Variants in EBF3 observed in about 807,000 individuals in gnomAD.
EBF3 encodes the protein EBF transcription factor 3, also known as transcription factor COE3.
EBF3 carries 18 observed loss-of-function variants against 77.1 expected under a neutral mutation model. The observed-to-expected ratio is 0.23, with a 90% confidence interval of 0.16 to 0.35. The LOEUF (loss-of-function observed/expected upper bound fraction) is 0.35, where lower values mean the gene tolerates loss of function less well. Ranked by LOEUF, EBF3 falls within the 10% of genes least tolerant of loss-of-function variation. The pLI is 1.00. For synonymous variants in EBF3, 350 were observed against 343.5 expected, an observed-to-expected ratio of 1.02 and a Z score of -0.21; for missense variants, 558 against 860.0, an observed-to-expected ratio of 0.65 and a Z score of 4.39.
chr10:129,869,980 G>A (rs1852297392), intron 8 of EBF3, among the ~76,000 whole-genome samples: 1 of 101,664 alleles, frequency 9.8e-6, no homozygotes, highest in Non-Finnish European at 2.1e-5. Flanking sequence ...GCCAATTATG[G>A]CAAATAATTC....
rs1041910037 is a variant in EBF3, at chr10:129,836,851, A to G, written c.*1092T>C. 1 of 152,672 alleles carries G rather than the reference A, an allele frequency of 6.5e-6. No homozygotes were observed. The highest frequency in any genetic ancestry group is 2.4e-5 in the African/African-American group (1 of 41,462). 9.5% of individuals were successfully genotyped at this position (152,672 alleles called of 1,614,324 possible). On this transcript the variant is annotated 3_prime_UTR_variant, in exon 17 of 17. Coordinates refer to ENST00000440978, the MANE Select transcript of EBF3 (RefSeq NM_001375380.1). Reference sequence around the variant, plus strand: ...ATATTTATAATTGATATGTTACAAAATAAAGTCCCTTAGCAACTGCAAGTG... The same window carrying G: ...ATATTTATAATTGATATGTTACAAAGTAAAGTCCCTTAGCAACTGCAAGTG...
At chr10:129,889,883 C>T (rs1853887958) in intron 6 of EBF3, among the ~76,000 whole-genome samples, 1 of 145,322 alleles carries the variant, frequency 6.9e-6, no homozygotes, top group African/African-American at 2.5e-5. Flanking sequence ...TACCCTGTAA[C>T]TCAGTGACTC....
At chr10:129,953,044 AAAGAAG>A (rs1185155936) in intron 6 of EBF3, among the ~76,000 whole-genome samples, 1 of 151,500 alleles carries the variant, frequency 6.6e-6, no homozygotes, top group Non-Finnish European at 1.5e-5. Context: ...AAAAAAAAAA[AAAGAAG>A]AAGAAGAAGA....
chr10:129,912,668 G>A (rs143536038), intron 6 of EBF3, among the ~76,000 whole-genome samples: 239 of 152,238 alleles, frequency 1.6e-3, no homozygotes, highest in African/African-American at 5.2e-3. Flanking sequence ...AGTGAACTCC[G>A]TTTATGAATT....
At chr10:129,838,016 C>T (rs1347221566) in intron 16 of EBF3, 56 bp from the exon 17 acceptor site, 6 of 1,609,106 alleles carry the variant, frequency 3.7e-6, no homozygotes, top group South Asian at 1.1e-5. Flanking sequence ...GCCCTCCCGC[C>T]AACGCTGACG....
chr10:129,940,913 G>A (rs970350481), intron 6 of EBF3, among the ~76,000 whole-genome samples: 10 of 152,186 alleles, frequency 6.6e-5, no homozygotes, highest in Non-Finnish European at 1.0e-4. Context: ...GGACTGCAGC[G>A]TAAAACCAGG....
At chr10:129,903,095 C>T (rs983698270) in intron 6 of EBF3, among the ~76,000 whole-genome samples, 2 of 152,238 alleles carry the variant, frequency 1.3e-5, no homozygotes, top group African/African-American at 4.8e-5. Context: ...CGATGAAAGT[C>T]ATACACACGT....
At chr10:129,925,136 G>GT (rs1856581668) in intron 6 of EBF3, among the ~76,000 whole-genome samples, 1 of 152,048 alleles carries the variant, frequency 6.6e-6, no homozygotes, top group Non-Finnish European at 1.5e-5. Context: ...AGTAATTGCA[G>GT]TTTTTGCCAT....
rs928764191 is a variant in EBF3 at position 129,848,314 on chromosome 10, G to C, written c.1128+78C>G. The C allele has an allele frequency of 9.1e-6, 13 of 1,422,290 alleles. No homozygotes were observed. The highest frequency in any genetic ancestry group is 1.7e-5 in the Admixed American group (1 of 59,670). The allele number at this position is 1,422,290 out of a possible 1,614,324, so 88.1% of individuals were successfully genotyped here. On this transcript the variant is annotated intron_variant, in intron 11 of 16. Transcript: ENST00000440978. This position sits in a 1 kb window ranked among gnomAD's most constrained non-coding sequence, Gnocchi z 4.4. The stretch of plus-strand genomic sequence containing the variant: ...GAATCTGCAATCCCCCCTTCCCAGA[G>C]CACCTGCTGCCCCCAAACCAGAACC...
At chr10:129,934,616 G>C (rs1387928848) in intron 6 of EBF3, among the ~76,000 whole-genome samples, 2 of 152,060 alleles carry the variant, frequency 1.3e-5, no homozygotes. Flanking sequence ...GTGGGGCTGG[G>C]AGTTTCTAAG....
chr10:129,959,432 G>A lies in EBF3; in HGVS notation c.412-425C>T, dbSNP rs539619635. Among the ~76,000 whole-genome samples, 27 of 152,222 alleles carry A rather than the reference G, an allele frequency of 1.8e-4. No individual in the cohort carries two copies. The South Asian group carries it at 5.4e-3, about 30-fold the overall frequency. On this transcript the variant is annotated intron_variant, in intron 4 of 16. Transcript: ENST00000440978. ...GCGTCCTCAGGCCATTGTCTACAAC[G>A]AGTTCCAATCTGCATGTTGGGAGAG...
chr10:129,924,174 G>A (rs1856490642), intron 6 of EBF3, among the ~76,000 whole-genome samples: 1 of 152,126 alleles, frequency 6.6e-6, no homozygotes. Flanking sequence ...CAGCACTTCG[G>A]GAGGCCAAGG....
intron 6 of EBF3, among the ~76,000 whole-genome samples, chr10:129,912,462 C>G (rs538855231): frequency 1.2e-4 from 19 of 152,150 alleles, no homozygotes; most frequent in African/African-American, 4.3e-4. Flanking sequence ...GATCTCTTGT[C>G]TACAAAGCAG....
At chr10:129,877,728 A>T in intron 7 of EBF3, 40 bp downstream of exon 7, 1 of 1,557,314 alleles carries the variant, frequency 6.4e-7, no homozygotes, top group Non-Finnish European at 8.8e-7. Context: ...TGGTATGAAA[A>T]GTCAGGACCA....
At chr10:129,882,548 A>C (rs570451609) in intron 6 of EBF3, among the ~76,000 whole-genome samples, 54 of 152,366 alleles carry the variant, frequency 3.5e-4, no homozygotes, top group Middle Eastern at 3.4e-3. Flanking sequence ...GGATGGCAAA[A>C]GGTGTTGAGC....
At chr10:129,924,439 A>AAAAAAAC (rs1247507504) in intron 6 of EBF3, among the ~76,000 whole-genome samples, 2 of 134,114 alleles carry the variant, frequency 1.5e-5, no homozygotes, top group South Asian at 4.9e-4. Flanking sequence ...ACAAAAAAAA[A>AAAAAAAC]AAAAAACAAA....
At chr10:129,902,043 T>C (rs924504419) in intron 6 of EBF3, among the ~76,000 whole-genome samples, 1 of 152,172 alleles carries the variant, frequency 6.6e-6, no homozygotes, top group Non-Finnish European at 1.5e-5. Context: ...GTGATGCTTT[T>C]AATACAAAAT....
intron 9 of EBF3, 94 bp from the exon 10 acceptor site, chr10:129,867,361 A>C: frequency 6.4e-7 from 1 of 1,555,956 alleles, no homozygotes; most frequent in South Asian, 1.2e-5. Flanking sequence ...ATGAGCACAA[A>C]TTGGACCATC....
chr10:129,867,312 T>C (rs967544863), intron 9 of EBF3, 45 bp from the exon 10 acceptor site: 2 of 1,609,412 alleles, frequency 1.2e-6, no homozygotes, highest in African/African-American at 2.7e-5. Flanking sequence ...GCGCTGGCTA[T>C]GAGAGGCGGA....
Sources: allele counts gnomAD v4.1 joint callset (sites outside exome capture counted in the v4.1 genomes callset), GRCh38; gene constraint gnomAD v4.1.1; non-coding constraint Gnocchi (gnomAD v3.1); transcripts MANE v1.5; gene names NCBI Gene and HGNC (gene_info 2026-07-23, HGNC 2026-07-21).